Variants in OR56A3 observed in about 807,000 individuals in gnomAD.
The protein encoded by OR56A3 is olfactory receptor 56A3.
In OR56A3, 23 loss-of-function variants were observed where a neutral mutation model predicts 17.5. That is an observed-to-expected ratio of 1.32 (90% confidence interval 0.95 to 1.87). The LOEUF is 1.87. OR56A3 is among the 40% of genes most tolerant of loss of function. OR56A3 has a pLI of 0.00. For missense variants in OR56A3, 366 were observed against 380.1 expected (o/e 0.96, Z 0.31); for synonymous variants, 175 against 150.6 (o/e 1.16, Z -1.19).
At chr11:5,969,824 C>T in the OR56A3 span, among the ~76,000 whole-genome samples, 3 of 152,238 alleles carry the variant, frequency 2.0e-5, no homozygotes, top group East Asian at 3.9e-4. Context: ...CTGTTGGCTT[C>T]AGTAGTCCAA....
the OR56A3 span, chr11:5,968,003 T>C: frequency 6.3e-7 from 1 of 1,591,174 alleles, no homozygotes; most frequent in Non-Finnish European, 8.6e-7. Context: ...GAGAAGAAAG[T>C]ATGGGGATAG....
At chr11:6,014,087 G>T in the OR56A3 span, among the ~76,000 whole-genome samples, 1 of 152,048 alleles carries the variant, frequency 6.6e-6, no homozygotes, top group African/African-American at 2.4e-5. Flanking sequence ...CTGCCTACTG[G>T]CCCAAAGACA....
the OR56A3 span, among the ~76,000 whole-genome samples, chr11:5,978,699 C>T: frequency 2.0e-5 from 3 of 151,856 alleles, no homozygotes; most frequent in Non-Finnish European, 4.4e-5. Flanking sequence ...TATTTAGATG[C>T]CTTTTCTTTC....
At chr11:5,956,008 T>G (rs1335733284), downstream of OR56A3, among the ~76,000 whole-genome samples, 1 of 152,242 alleles carries the variant, frequency 6.6e-6, no homozygotes, top group Non-Finnish European at 1.5e-5. Context: ...CACTCTAGTA[T>G]ATCAACTGTG....
the OR56A3 span, among the ~76,000 whole-genome samples, chr11:5,961,035 C>A: frequency 6.6e-6 from 1 of 151,976 alleles, no homozygotes; most frequent in African/African-American, 2.4e-5. Context: ...GGCAGCCGCC[C>A]CCCGTCTGGG....
the OR56A3 span, among the ~76,000 whole-genome samples, chr11:5,978,523 T>C: frequency 6.6e-6 from 1 of 152,156 alleles, no homozygotes; most frequent in South Asian, 2.1e-4. Context: ...TGGATAGTAT[T>C]GGTGTGTATA....
chr11:5,986,527 G>A, the OR56A3 span: 183 of 1,613,802 alleles, frequency 1.1e-4, no homozygotes, highest in Non-Finnish European at 1.5e-4. Flanking sequence ...CAGAGCCATG[G>A]CCACAAGTAC....
the OR56A3 span, chr11:5,994,978 C>A: frequency 1.4e-6 from 1 of 700,200 alleles, no homozygotes. Context: ...CAGCCAGGCG[C>A]CCGGACCCCA....
chr11:5,978,648 G>T, the OR56A3 span, among the ~76,000 whole-genome samples: 9 of 151,946 alleles, frequency 5.9e-5, no homozygotes, highest in Middle Eastern at 3.4e-3. Flanking sequence ...ATATAGAATG[G>T]TATCTTCTGT....
the OR56A3 span, among the ~76,000 whole-genome samples, chr11:6,015,154 A>G: frequency 1.3e-5 from 2 of 152,186 alleles, no homozygotes; most frequent in African/African-American, 4.8e-5. Flanking sequence ...ATGCATAAGT[A>G]AAAAGAAACC....
chr11:5,986,844 A>G, the OR56A3 span: 1 of 1,613,908 alleles, frequency 6.2e-7, no homozygotes. Context: ...CCAGGAGAAA[A>G]GAAGGCTGGG....
the OR56A3 span, chr11:6,019,451 T>A: frequency 2.0e-5 from 3 of 152,226 alleles, no homozygotes; most frequent in Non-Finnish European, 4.4e-5. Context: ...CTGGGCAATT[T>A]ACAAAAGAAA....
At chr11:5,968,413 G>A in the OR56A3 span, 1 of 1,609,908 alleles carries the variant, frequency 6.2e-7, no homozygotes, top group Non-Finnish European at 8.5e-7. Flanking sequence ...GACAGCCAGT[G>A]CTGCCAGCTC....
chr11:5,992,354 A>C, the OR56A3 span, among the ~76,000 whole-genome samples: 21 of 152,240 alleles, frequency 1.4e-4, no homozygotes, highest in South Asian at 4.4e-3. Context: ...CCCTTTCTTC[A>C]ATCTTAAACA....
At chr11:6,011,386 TA>T in the OR56A3 span, among the ~76,000 whole-genome samples, 7 of 152,070 alleles carry the variant, frequency 4.6e-5, no homozygotes, top group Non-Finnish European at 1.0e-4. Flanking sequence ...TCTTAAACAA[TA>T]AATTTTTGCA....
chr11:5,960,492 C>T, the OR56A3 span, among the ~76,000 whole-genome samples: 3 of 152,234 alleles, frequency 2.0e-5, no homozygotes, highest in African/African-American at 4.8e-5. Context: ...AGCTCCTGAC[C>T]GCGAGTGGTC....
At chr11:5,997,441 G>T in the OR56A3 span, among the ~76,000 whole-genome samples, 1 of 152,110 alleles carries the variant, frequency 6.6e-6, no homozygotes, top group Non-Finnish European at 1.5e-5. Context: ...CCCCTCTGAG[G>T]TTCCAGAAGC....
the OR56A3 span, among the ~76,000 whole-genome samples, chr11:5,962,158 T>G: frequency 9.3e-4 from 141 of 152,350 alleles, no homozygotes; most frequent in African/African-American, 3.2e-3. Flanking sequence ...ATGATTTTTG[T>G]TTTTCATTTT....
chr11:5,996,677 C>A, the OR56A3 span, among the ~76,000 whole-genome samples: 3 of 152,290 alleles, frequency 2.0e-5, no homozygotes, highest in African/African-American at 7.2e-5. Flanking sequence ...GAATTAGAAA[C>A]AACTACAGCT....
Sources: gnomAD v4.1 joint callset for allele counts (sites outside exome capture counted in the v4.1 genomes callset) on GRCh38, gnomAD v4.1.1 for gene constraint, MANE v1.5 for transcripts, NCBI Gene and HGNC (gene_info 2026-07-23, HGNC 2026-07-21) for gene names.